The following ERC2 variants were observed in gnomAD, a reference collection of about 807,000 sequenced individuals.
The protein encoded by ERC2 is ELKS/RAB6-interacting/CAST family member 2, also known as ERC protein 2.
ERC2 carries 42 observed loss-of-function variants against 114.8 expected under a neutral mutation model. That is an observed-to-expected ratio of 0.37 (90% CI 0.29 to 0.47). The LOEUF (loss-of-function observed/expected upper bound fraction) is 0.47. Among genes scored for constraint, ERC2 ranks in the 20% least tolerant of loss-of-function variants. ERC2 has a pLI of 0.99. For synonymous variants in ERC2, 454 were observed against 425.5 expected (o/e 1.07, Z -0.82); for missense variants, 939 against 1,150.7 (o/e 0.82, Z 2.66).
chr3:55,971,227 T>C (rs545777394), intron 12 of ERC2, among the ~76,000 whole-genome samples: 2 of 152,162 alleles, frequency 1.3e-5, no homozygotes, highest in African/African-American at 4.8e-5. Context: ...GGGGTTTCTT[T>C]CTGGGGTGAT....
Position 55,558,031 on chromosome 3 carries a change from A to G in ERC2, c.*40-46755T>C, listed in dbSNP as rs537085195. On this transcript the variant is annotated intron_variant, in intron 17 of 17. Coordinates refer to ENST00000288221, the MANE Select transcript of ERC2 (RefSeq NM_015576.3). ...CTGTGCCTCTGTTTTCTGATCTGTA[A>G]TATTGGCTAATTAACGGAGAGGCTT... is the stretch of plus-strand genomic sequence containing the variant. 3.3e-5 allele frequency among the ~76,000 whole-genome samples: 5 copies of G among 152,328 alleles called. 1 individual carries two copies. In the South Asian group the frequency reaches 1.0e-3, roughly 32 times the overall value.
chr3:55,860,361 A>G (rs6803507), intron 14 of ERC2, among the ~76,000 whole-genome samples: 1 of 152,120 alleles, frequency 6.6e-6, no homozygotes, highest in Non-Finnish European at 1.5e-5. Flanking sequence ...CATCTCTCCA[A>G]GCTGGGGCGA....
intron 17 of ERC2, among the ~76,000 whole-genome samples, chr3:55,552,475 A>C (rs1321523416): frequency 6.6e-6 from 1 of 152,126 alleles, no homozygotes; most frequent in East Asian, 1.9e-4. Context: ...TGCACACCAG[A>C]GAAAGAAACC....
intron 2 of ERC2, among the ~76,000 whole-genome samples, chr3:56,403,816 A>G (rs909931932): frequency 6.6e-6 from 1 of 152,158 alleles, no homozygotes; most frequent in African/African-American, 2.4e-5. Context: ...CATCAACCCA[A>G]TTCTTCACTG....
At chr3:56,183,668 C>T (rs2083421178) in intron 3 of ERC2, among the ~76,000 whole-genome samples, 1 of 152,100 alleles carries the variant, frequency 6.6e-6, no homozygotes, top group Non-Finnish European at 1.5e-5. Flanking sequence ...CACTATTGGC[C>T]AGGTAGGACA....
At chr3:56,189,367 G>A (rs1279082358) in intron 3 of ERC2, among the ~76,000 whole-genome samples, 1 of 152,200 alleles carries the variant, frequency 6.6e-6, no homozygotes, top group African/African-American at 2.4e-5. Flanking sequence ...ACTCTTCTGT[G>A]GAAAAGCTGC....
At chr3:55,845,067 C>T (rs2061289648) in intron 14 of ERC2, among the ~76,000 whole-genome samples, 1 of 152,170 alleles carries the variant, frequency 6.6e-6, no homozygotes. Context: ...GAATCTAATG[C>T]CACCACTGAT....
At chr3:55,965,928 C>T (rs987790938) in intron 12 of ERC2, among the ~76,000 whole-genome samples, 1 of 152,090 alleles carries the variant, frequency 6.6e-6, no homozygotes, top group Non-Finnish European at 1.5e-5. Flanking sequence ...ACCACTTCCC[C>T]CTGATTAAAT....
In ERC2 at chr3:56,080,913, G is replaced by T; in HGVS notation, c.1545C>A (p.Asp515Glu). 6.2e-7 allele frequency: 1 copy of T among 1,613,532 alleles called. No homozygotes were observed. The highest frequency in any genetic ancestry group is 1.1e-5 in the South Asian group (1 of 91,050). ...CCAGTGTCCCCTTCTCTTCTGTGAG[G>T]TCCTGTAGCTGTTTTGTTTTTTTAT... ...FLNKKTKQLQDLTEEKGTLAG... is the reference protein window; with the variant it reads ...FLNKKTKQLQELTEEKGTLAG... The change falls in exon 7 of 18, where the codon GAC becomes GAA. Residue 515 changes from aspartate to glutamate, a missense_variant. By Grantham distance (45) the Asp-to-Glu change is conservative. Coordinates refer to ENST00000288221, the MANE Select transcript of ERC2 (RefSeq NM_015576.3).
intron 7 of ERC2, among the ~76,000 whole-genome samples, chr3:56,074,673 G>T (rs1480729844): frequency 6.6e-6 from 1 of 152,092 alleles, no homozygotes; most frequent in Non-Finnish European, 1.5e-5. Context: ...ACCTTCCTAG[G>T]GTAATAGAAC....
intron 12 of ERC2, among the ~76,000 whole-genome samples, chr3:55,981,438 A>C (rs149296110): frequency 1.3e-5 from 2 of 152,304 alleles, no homozygotes; most frequent in African/African-American, 4.8e-5. Flanking sequence ...ACTGATACAA[A>C]TTATTTTTCT....
At position 55,674,947 on chromosome 3, in the gene ERC2, C is replaced by T. The variant is rs375677521; in HGVS notation, c.*39+8847G>A. Among the ~76,000 whole-genome samples, 17 of 152,258 alleles carry T rather than the reference C, an allele frequency of 1.1e-4. No homozygotes were observed. In the South Asian group the frequency reaches 3.1e-3, roughly 28 times the overall value. ...CTGACTCTTAGGCTGAAAGAAATGG[C>T]AAGGAGTCTCCTTATAAAGGCTCAG... On this transcript the variant is annotated intron_variant, in intron 17 of 17. Transcript: ENST00000288221.
chr3:56,441,381 C>A (rs1254822990), intron 1 of ERC2, among the ~76,000 whole-genome samples: 1 of 152,118 alleles, frequency 6.6e-6, no homozygotes, highest in Admixed American at 6.5e-5. Context: ...CCCACTGAAT[C>A]AGGTGGGAAG....
rs571542306 is a variant in ERC2, at chr3:56,267,484, G to A, written c.1074+28535C>T. Among the ~76,000 whole-genome samples the A allele has an allele frequency of 4.6e-5, 7 of 152,188 alleles. No individual in the cohort carries two copies. The South Asian group carries it at 1.5e-3, about 32-fold the overall frequency. On this transcript the variant is annotated intron_variant, in intron 3 of 17. Coordinates refer to ENST00000288221, the MANE Select transcript of ERC2 (RefSeq NM_015576.3). ...GCGGGGACAGTGGGTAAAACAGGGA[G>A]ATGTTGGCAGGGCGCAGTGGCTCAC...
At chr3:55,524,172 C>G (rs988589931) in intron 17 of ERC2, among the ~76,000 whole-genome samples, 5 of 152,176 alleles carry the variant, frequency 3.3e-5, no homozygotes, top group Non-Finnish European at 7.3e-5. Context: ...CTTATTATCT[C>G]CCCCTCTATA....
At chr3:55,806,072 G>T (rs1166396653) in intron 14 of ERC2, among the ~76,000 whole-genome samples, 2 of 152,040 alleles carry the variant, frequency 1.3e-5, no homozygotes, top group Non-Finnish European at 2.9e-5. Flanking sequence ...GGGTATAGTG[G>T]TTCAATAATC....
chr3:55,640,088 G>A (rs1416793320), intron 17 of ERC2, among the ~76,000 whole-genome samples: 1 of 152,150 alleles, frequency 6.6e-6, no homozygotes, highest in Non-Finnish European at 1.5e-5. Flanking sequence ...CAATTCACAC[G>A]TCCTGTGGCT....
At position 55,883,831 on chromosome 3, in the gene ERC2, T is replaced by C. The variant is rs983812874; in HGVS notation, c.2564+4558A>G. Among the ~76,000 whole-genome samples, 3 of 152,012 alleles carry C rather than the reference T, an allele frequency of 2.0e-5. No homozygotes were observed. The East Asian group carries it at 5.8e-4, about 29-fold the overall frequency. On this transcript the variant is annotated intron_variant, in intron 14 of 17. Coordinates refer to ENST00000288221, the MANE Select transcript of ERC2 (RefSeq NM_015576.3). ...TGAACCCAGGAGGCAGAGCTTGCAG[T>C]GAGCCAAGATTGCACCACTGCACTC...
At chr3:55,619,281 G>T (rs1009104691) in intron 17 of ERC2, among the ~76,000 whole-genome samples, 1 of 152,326 alleles carries the variant, frequency 6.6e-6, no homozygotes, top group Non-Finnish European at 1.5e-5. Context: ...CTTTAGAAAA[G>T]AATTCTGTTA....
Sources: gnomAD v4.1 joint callset for allele counts (sites outside exome capture counted in the v4.1 genomes callset) on GRCh38, gnomAD v4.1.1 for gene constraint, MANE v1.5 for transcripts, NCBI Gene and HGNC (gene_info 2026-07-23, HGNC 2026-07-21) for gene names.